Variants in TNR observed in about 807,000 individuals in gnomAD.
TNR encodes the protein tenascin R.
TNR carries 45 observed loss-of-function variants against 150.4 expected under a neutral mutation model. That is an observed-to-expected ratio of 0.30 (90% CI 0.24 to 0.38). The LOEUF (loss-of-function observed/expected upper bound fraction) is 0.38, where lower values mean the gene tolerates loss of function less well. TNR is among the 10% of genes least tolerant of loss of function. The pLI, the probability that TNR is intolerant of heterozygous loss-of-function variation, is 1.00. For missense variants in TNR, 1,544 were observed against 1,759.1 expected (o/e 0.88, Z 2.19); for synonymous variants, 687 against 678.4 (o/e 1.01, Z -0.20).
intron 1 of TNR, among the ~76,000 whole-genome samples, chr1:175,544,965 T>A (rs1026016507): frequency 5.3e-5 from 8 of 152,316 alleles, no homozygotes; most frequent in Middle Eastern, 3.4e-3. Flanking sequence ...TGTTAGCCCT[T>A]TTTTTCTGCC....
intron 1 of TNR, among the ~76,000 whole-genome samples, chr1:175,692,968 T>G (rs368767252): frequency 6.6e-6 from 1 of 152,184 alleles, no homozygotes; most frequent in African/African-American, 2.4e-5. Flanking sequence ...TCATTGAACA[T>G]CTACTCTGTG....
At chr1:175,355,388 C>T in intron 17 of TNR, 115 bp downstream of exon 17, 1 of 1,271,488 alleles carries the variant, frequency 7.9e-7, no homozygotes, top group Non-Finnish European at 1.1e-6. Flanking sequence ...ATGAGCAATC[C>T]TTGTGGATTG....
chr1:175,395,189 C>A (rs1185173653), intron 5 of TNR, among the ~76,000 whole-genome samples: 1 of 152,120 alleles, frequency 6.6e-6, no homozygotes, highest in African/African-American at 2.4e-5. Context: ...GACAAGATGA[C>A]TTCTTAAATT....
chr1:175,355,170 T>C (rs185367145), intron 17 of TNR, among the ~76,000 whole-genome samples: 1 of 152,340 alleles, frequency 6.6e-6, no homozygotes, highest in Non-Finnish European at 1.5e-5. Flanking sequence ...TGTGTCATTG[T>C]ATTGGAAGCA....
intron 1 of TNR, among the ~76,000 whole-genome samples, chr1:175,679,259 G>A (rs1242702652): frequency 1.3e-5 from 2 of 152,224 alleles, no homozygotes; most frequent in Non-Finnish European, 2.9e-5. Flanking sequence ...TCTGAAGCTT[G>A]CTAGACTTTA....
intron 1 of TNR, among the ~76,000 whole-genome samples, chr1:175,686,702 C>A (rs1466042827): frequency 6.6e-6 from 1 of 152,018 alleles, no homozygotes; most frequent in Non-Finnish European, 1.5e-5. Flanking sequence ...CCATTTGTAC[C>A]CATTGTTTAG....
At chr1:175,519,415 T>C (rs1050578594) in intron 2 of TNR, among the ~76,000 whole-genome samples, 1 of 152,214 alleles carries the variant, frequency 6.6e-6, no homozygotes, top group African/African-American at 2.4e-5. Context: ...AAGTTAGCAT[T>C]CAGCAGGTGT....
chr1:175,712,114 G>A (rs1180915065), intron 1 of TNR, among the ~76,000 whole-genome samples: 2 of 152,058 alleles, frequency 1.3e-5, no homozygotes, highest in African/African-American at 4.8e-5. Flanking sequence ...ACTGCTATGT[G>A]CCAGGCACTG....
At chr1:175,366,180 T>G (rs1252791158) in intron 10 of TNR, 42 bp from the exon 11 acceptor site, 3 of 1,541,464 alleles carry the variant, frequency 1.9e-6, no homozygotes, top group East Asian at 2.3e-5. Flanking sequence ...TGTGTTCCCC[T>G]GGAGGGCAGT....
At chr1:175,700,137 A>T (rs983860277) in intron 1 of TNR, among the ~76,000 whole-genome samples, 1 of 150,028 alleles carries the variant, frequency 6.7e-6, no homozygotes, top group Non-Finnish European at 1.5e-5. Flanking sequence ...CGTGCAGTCC[A>T]AGGAAGGCTA....
chr1:175,377,639 C>T (rs1302209979), intron 9 of TNR, among the ~76,000 whole-genome samples: 2 of 152,036 alleles, frequency 1.3e-5, no homozygotes, highest in Non-Finnish European at 2.9e-5. Flanking sequence ...CTGGAAAAGG[C>T]ATTTATTATA....
intron 2 of TNR, among the ~76,000 whole-genome samples, chr1:175,480,568 C>T (rs1014904858): frequency 6.6e-6 from 1 of 152,196 alleles, no homozygotes; most frequent in Admixed American, 6.5e-5. Flanking sequence ...TGACTTGACT[C>T]ATGTTTACTG....
At chr1:175,722,155 G>A (rs367678507) in intron 1 of TNR, among the ~76,000 whole-genome samples, 55 of 152,130 alleles carry the variant, frequency 3.6e-4, no homozygotes, top group East Asian at 3.1e-3. Context: ...GCCACCCTCC[G>A]GGCCCTCCCT....
chr1:175,477,665 G>C (rs1657606117), intron 2 of TNR, among the ~76,000 whole-genome samples: 2 of 152,210 alleles, frequency 1.3e-5, no homozygotes, highest in Admixed American at 1.3e-4. Flanking sequence ...ATGAGGGCAG[G>C]CCAGTCAGGG....
intron 8 of TNR, among the ~76,000 whole-genome samples, chr1:175,381,948 C>T: frequency 6.6e-6 from 1 of 152,214 alleles, no homozygotes; most frequent in East Asian, 1.9e-4. Context: ...ATTCATACCT[C>T]AGGACCTTTG....
At chr1:175,713,787 C>T (rs1274874020) in intron 1 of TNR, among the ~76,000 whole-genome samples, 1 of 152,204 alleles carries the variant, frequency 6.6e-6, no homozygotes, top group Admixed American at 6.5e-5. Context: ...GAGGAGAGAG[C>T]TCCCAGCGCT....
At chr1:175,510,069 A>T (rs961198769) in intron 2 of TNR, among the ~76,000 whole-genome samples, 7 of 152,058 alleles carry the variant, frequency 4.6e-5, no homozygotes, top group South Asian at 2.1e-4. Context: ...TCTATAAAAA[A>T]AATATAAAAA....
intron 15 of TNR, among the ~76,000 whole-genome samples, chr1:175,359,139 C>CT (rs758610631): frequency 0.044 from 1,850 of 41,966 alleles, 290 homozygotes; most frequent in African/African-American, 0.1. Flanking sequence ...GGGATATCTT[C>CT]TTTTTTTTTT....
chr1:175,365,026 C>T lies in TNR; in HGVS notation c.2571G>A (p.Val857=). Residue 857 remains valine, a synonymous_variant, in exon 12 of 23, where the codon GTG becomes GTA. Coordinates refer to ENST00000367674, the MANE Select transcript of TNR (RefSeq NM_003285.3). ...CAGCCTCACCTGTGGTGATGGAGCC[C>T]ACAATGGGCTCAGAGGTCACTGTGC... ...VHGTVTSEPI[V]GSITTGIDPP... 1 of 1,608,796 alleles carries T rather than the reference C, an allele frequency of 6.2e-7. No homozygotes were observed. The highest frequency in any genetic ancestry group is 1.1e-5 in the South Asian group (1 of 90,844).
Sources: gnomAD v4.1 joint callset for allele counts (sites outside exome capture counted in the v4.1 genomes callset) on GRCh38, gnomAD v4.1.1 for gene constraint, MANE v1.5 for transcripts, NCBI Gene and HGNC (gene_info 2026-07-23, HGNC 2026-07-21) for gene names.